MILR1: variants seen among roughly 807,000 people sequenced by gnomAD.
MILR1 encodes the protein allergin-1.
Under a neutral mutation model 18.5 loss-of-function variants are expected in MILR1, and 31 were observed. The ratio of observed to expected loss-of-function variants is 1.68; its 90% CI spans 1.26 to 2.26. MILR1 has a LOEUF of 2.26. Ranked by LOEUF, MILR1 falls within the 30% of genes most tolerant of loss-of-function variation. MILR1 has a pLI of 0.00. For synonymous variants in MILR1, 85 were observed against 56.2 expected (o/e 1.51, Z -2.30); for missense variants, 257 against 157.4 (o/e 1.63, Z -3.38).
At chr17:64,491,409 A>G in the MILR1 span, 1 of 668,780 alleles carries the variant, frequency 1.5e-6, no homozygotes, top group Non-Finnish European at 2.4e-6. Context: ...AGCCTGGGTA[A>G]CAGAGCAAGA....
intron 2 of MILR1, among the ~76,000 whole-genome samples, chr17:64,450,275 T>C (rs1212292736): frequency 6.6e-6 from 1 of 152,072 alleles, no homozygotes; most frequent in Non-Finnish European, 1.5e-5. Flanking sequence ...ACCTACCTGG[T>C]AGGCTAGTGT....
Position 64,460,838 on chromosome 17 carries a change from T to C in MILR1, c.669T>C (p.Pro223=). The C allele has an allele frequency of 4.2e-6, 2 of 475,192 alleles. No individual in the cohort carries two copies. The highest frequency in any genetic ancestry group is 7.7e-6 in the Non-Finnish European group (2 of 258,852). 29.4% of individuals were successfully genotyped at this position (475,192 alleles called of 1,614,324 possible). A position where few individuals can be genotyped will look rare whatever the true frequency, so the allele number is the denominator to read the frequency against. The change falls in exon 5 of 10, where the codon CCT becomes CCC. Residue 223 remains proline, a synonymous_variant. Transcript: ENST00000619286. ...TMPSTGGDSC[P]FCLKLLLPGL... Reference sequence around the variant, plus strand: ...TTCTTCCAGGCGGAGACAGCTGTCCTTTCTGTCTGAAGCTACTACTTCCAG... The same window carrying C: ...TTCTTCCAGGCGGAGACAGCTGTCCCTTCTGTCTGAAGCTACTACTTCCAG...
At position 64,465,537 on chromosome 17, in the gene MILR1, A is replaced by T; in HGVS notation, c.849A>T (p.Gln283His). ...VGIYANILEKQAKEESVPEVG... is the reference protein window; with the variant it reads ...VGIYANILEKHAKEESVPEVG... ...TCTATGCAAATATCCTTGAAAAACAAGCAAGTAAGAGAACTTTGTTGCGTG... is the reference window on the plus strand; with the variant it reads ...TCTATGCAAATATCCTTGAAAAACATGCAAGTAAGAGAACTTTGTTGCGTG... Residue 283 changes from glutamine (Q) to histidine (H), a missense_variant, in exon 6 of 10, where the codon CAA becomes CAT. Gln to His is a conservative substitution (Grantham distance 24). Coordinates refer to ENST00000619286, the MANE Select transcript of MILR1 (RefSeq NM_001085423.2). 1.9e-6 allele frequency: 3 copies of T among 1,604,820 alleles called. No homozygotes were observed. Among genetic ancestry groups the T allele is most frequent in the Non-Finnish European group, 2.6e-6 (3 of 1,175,746 alleles).
Position 64,457,482 on chromosome 17 carries a change from C to T in MILR1, c.450C>T (p.Val150=). ...ATATAACATTACATTGCCTCTCAGTCAATGGCTCGCTGCCCATCAATTACA... is the reference window on the plus strand; with the variant it reads ...ATATAACATTACATTGCCTCTCAGTTAATGGCTCGCTGCCCATCAATTACA... ...DRHITLHCLS[V]NGSLPINYTF... The change falls in exon 4 of 10, where the codon GTC becomes GTT. Residue 150 remains valine, a synonymous_variant. Coordinates refer to ENST00000619286, the MANE Select transcript of MILR1 (RefSeq NM_001085423.2). The T allele has an allele frequency of 2.1e-6, 1 of 475,398 alleles. No individual in the cohort carries two copies. The highest frequency in any genetic ancestry group is 3.9e-6 in the Non-Finnish European group (1 of 259,058). The allele number at this position is 475,398 out of a possible 1,614,324, so 29.4% of individuals were successfully genotyped here. A position where few individuals can be genotyped will look rare whatever the true frequency, so the allele number is the denominator to read the frequency against.
the MILR1 span, chr17:64,492,955 T>A: frequency 6.2e-7 from 1 of 1,614,004 alleles, no homozygotes; most frequent in Non-Finnish European, 8.5e-7. Context: ...CACTCCAATC[T>A]GAGCAAGGCC....
chr17:64,467,394 A>G (rs1568072825), intron 8 of MILR1, among the ~76,000 whole-genome samples, 171 bp from the exon 9 acceptor site: 1 of 152,030 alleles, frequency 6.6e-6, no homozygotes, highest in Non-Finnish European at 1.5e-5. Flanking sequence ...TACAGGCATG[A>G]GGCATTATGC....
the MILR1 span, among the ~76,000 whole-genome samples, chr17:64,477,428 C>T: frequency 7.9e-5 from 12 of 152,118 alleles, no homozygotes; most frequent in African/African-American, 2.4e-4. Flanking sequence ...TTTCTCCTAA[C>T]TAGAATGATA....
chr17:64,496,758 C>CT, the MILR1 span: 1 of 1,613,912 alleles, frequency 6.2e-7, no homozygotes, highest in Non-Finnish European at 8.5e-7. Flanking sequence ...TGACAGATCT[C>CT]TAACAGCGCC....
Position 64,466,594 on chromosome 17 carries a change from A to T in MILR1, c.911A>T (p.Glu304Val). The change falls in exon 8 of 10, where the codon GAG becomes GTG. Residue 304 changes from glutamate to valine, a missense_variant and splice_region_variant. Glu to Val is a moderately radical substitution (Grantham distance 121). Transcript: ENST00000619286. ...TTCCTATTCCTTATCTTTTGCCCAG[A>T]GGCCAAACACTCCCAGGAGCTACAG... ...SRPCVSTAQD[E>V]AKHSQELQYA... The T allele has an allele frequency of 6.2e-7, 1 of 1,611,626 alleles. No individual in the cohort carries two copies. The highest frequency in any genetic ancestry group is 1.1e-5 in the South Asian group (1 of 90,536).
chr17:64,462,114 C>T (rs1013301782), intron 5 of MILR1, among the ~76,000 whole-genome samples: 8 of 152,182 alleles, frequency 5.3e-5, no homozygotes, highest in Non-Finnish European at 1.0e-4. Context: ...CCCTTTTCCT[C>T]GTATGACTGC....
At chr17:64,462,387 G>A (rs1043129483) in intron 5 of MILR1, among the ~76,000 whole-genome samples, 392 of 152,216 alleles carry the variant, frequency 2.6e-3, no homozygotes, top group Non-Finnish European at 4.6e-3. Flanking sequence ...TGTTCATTTC[G>A]CACTGGGCGC....
the MILR1 span, among the ~76,000 whole-genome samples, chr17:64,475,167 CAG>C: frequency 2.8e-5 from 4 of 143,786 alleles, no homozygotes; most frequent in South Asian, 2.2e-4. Flanking sequence ...GACTGTGTGA[CAG>C]AGCAAGACTG....
downstream of MILR1, among the ~76,000 whole-genome samples, chr17:64,472,702 C>A (rs1333161171): frequency 3.3e-5 from 5 of 152,010 alleles, no homozygotes; most frequent in African/African-American, 1.2e-4. Flanking sequence ...AGGTTTATCC[C>A]TAGGAAGAAT....
At chr17:64,451,301 C>G (rs986856391) in intron 2 of MILR1, among the ~76,000 whole-genome samples, 1 of 151,832 alleles carries the variant, frequency 6.6e-6, no homozygotes, top group African/African-American at 2.4e-5. Flanking sequence ...ACCATCATGC[C>G]CAGCTAATTT....
chr17:64,494,623 TA>T, the MILR1 span, among the ~76,000 whole-genome samples: 1 of 152,198 alleles, frequency 6.6e-6, no homozygotes, highest in East Asian at 1.9e-4. Context: ...TTTTGATTAA[TA>T]CTATTGACTC....
chr17:64,471,387 C>T (rs1157001660), downstream of MILR1, among the ~76,000 whole-genome samples: 1 of 152,118 alleles, frequency 6.6e-6, no homozygotes, highest in Non-Finnish European at 1.5e-5. Flanking sequence ...TTGAGGATCA[C>T]CCCAGAAAGC....
chr17:64,453,688 G>A (rs1049139981), intron 3 of MILR1, among the ~76,000 whole-genome samples: 2 of 151,624 alleles, frequency 1.3e-5, no homozygotes, highest in African/African-American at 4.8e-5. Context: ...GTGTTTTTCT[G>A]TCCCATTTTC....
chr17:64,466,923 A>G (rs1261707698), intron 8 of MILR1, among the ~76,000 whole-genome samples: 1 of 151,856 alleles, frequency 6.6e-6, no homozygotes, highest in African/African-American at 2.4e-5. Flanking sequence ...ATCACTACTC[A>G]AACATTTCCT....
At chr17:64,454,471 T>C (rs1315657415) in intron 3 of MILR1, among the ~76,000 whole-genome samples, 10 of 152,222 alleles carry the variant, frequency 6.6e-5, no homozygotes, top group African/African-American at 2.4e-4. Flanking sequence ...GCCACACCTG[T>C]AGCTGGTGGC....
Sources: gnomAD v4.1 joint callset for allele counts (sites outside exome capture counted in the v4.1 genomes callset) on GRCh38, gnomAD v4.1.1 for gene constraint, MANE v1.5 for transcripts, NCBI Gene and HGNC (gene_info 2026-07-23, HGNC 2026-07-21) for gene names.